The following DACH2 variants were observed in gnomAD, a reference collection of about 807,000 sequenced individuals.
The protein encoded by DACH2 is dachshund family transcription factor 2.
In DACH2, 17 loss-of-function variants were observed where a neutral mutation model predicts 35.8. That is an observed-to-expected ratio of 0.48 (90% CI 0.33 to 0.71). DACH2 has a LOEUF of 0.71. DACH2 is among the 30% of genes least tolerant of loss of function. DACH2 has a pLI of 0.02. For synonymous variants in DACH2, 195 were observed against 177.3 expected (o/e 1.10, Z -0.79); for missense variants, 469 against 472.7 (o/e 0.99, Z 0.07).
chrX:86,395,230 C>T (rs771578935), intron 2 of DACH2, among the ~76,000 whole-genome samples: 1 of 111,516 alleles, frequency 9.0e-6, no homozygotes, highest in East Asian at 2.8e-4. Flanking sequence ...GTATTTTCTT[C>T]TAAGCAATTT....
At chrX:86,536,816 C>G (rs2038808576) in intron 3 of DACH2, among the ~76,000 whole-genome samples, 1 of 112,039 alleles carries the variant, frequency 8.9e-6, no homozygotes, top group Non-Finnish European at 1.9e-5. Flanking sequence ...GTTCTCAGGA[C>G]CACCTGAGGC....
rs542719290 is a variant in DACH2 at position 86,335,358 on chromosome X, C to T, written c.489-41466C>T. Among the ~76,000 whole-genome samples, 15 of 111,978 alleles carry T rather than the reference C, an allele frequency of 1.3e-4. 1 individual carries two copies. In the South Asian group the frequency reaches 4.8e-3, roughly 36 times the overall value. On this transcript the variant is annotated intron_variant, in intron 1 of 11. Transcript: ENST00000373125. ...TTACTTCTAGCAGTATGGCCATTTT[C>T]ACAATACTGATTCTTCCTATCCATA...
intron 7 of DACH2, among the ~76,000 whole-genome samples, chrX:86,774,098 A>G (rs747829012): frequency 8.9e-6 from 1 of 112,119 alleles, no homozygotes; most frequent in Non-Finnish European, 1.9e-5. Flanking sequence ...AAATTTAAAA[A>G]AAACTAATGA....
intron 2 of DACH2, among the ~76,000 whole-genome samples, chrX:86,444,031 T>A (rs993210364): frequency 1.8e-5 from 2 of 111,709 alleles, no homozygotes; most frequent in African/African-American, 6.5e-5. Context: ...GGAAATACTC[T>A]CTCATCTTTA....
intron 7 of DACH2, chrX:86,798,477 C>T (rs2147332726): frequency 8.8e-6 from 1 of 113,177 alleles, no homozygotes; most frequent in South Asian, 3.7e-4. Context: ...TATATTTTAT[C>T]ACATAGTAAG....
At chrX:86,772,817 C>A (rs779040632) in intron 7 of DACH2, among the ~76,000 whole-genome samples, 3 of 111,365 alleles carry the variant, frequency 2.7e-5, no homozygotes, top group Non-Finnish European at 5.7e-5. Flanking sequence ...TCAAGGGAGT[C>A]ACATCATCAT....
At chrX:86,555,815 A>T (rs1173841887) in intron 3 of DACH2, among the ~76,000 whole-genome samples, 1 of 111,679 alleles carries the variant, frequency 9.0e-6, no homozygotes, top group Non-Finnish European at 1.9e-5. Flanking sequence ...ATGGTGGGTA[A>T]CGTGTCCATC....
intron 4 of DACH2, among the ~76,000 whole-genome samples, chrX:86,676,521 A>G (rs975396028): frequency 8.9e-6 from 1 of 111,867 alleles, no homozygotes; most frequent in African/African-American, 3.3e-5. Context: ...ACTTTCTGCG[A>G]TGATGGAAAT....
chrX:86,803,814 C>T (rs182064841), intron 7 of DACH2, among the ~76,000 whole-genome samples: 54 of 110,426 alleles, frequency 4.9e-4, no homozygotes, highest in Non-Finnish European at 3.0e-4. Flanking sequence ...CTTAATTTTA[C>T]AGAACAAAAT....
chrX:86,395,198 A>C (rs2036264903), intron 2 of DACH2, among the ~76,000 whole-genome samples: 1 of 111,337 alleles, frequency 9.0e-6, no homozygotes, highest in Admixed American at 9.6e-5. Flanking sequence ...ATTTGGATGA[A>C]ATAATTTTCT....
At chrX:86,294,654 C>A (rs925146652) in intron 1 of DACH2, among the ~76,000 whole-genome samples, 1 of 110,082 alleles carries the variant, frequency 9.1e-6, no homozygotes, top group African/African-American at 3.3e-5. Flanking sequence ...ACAGGGCCCT[C>A]ATCTGCAGGT....
intron 2 of DACH2, among the ~76,000 whole-genome samples, chrX:86,419,890 G>A (rs2036774584): frequency 8.9e-6 from 1 of 111,812 alleles, no homozygotes; most frequent in East Asian, 2.8e-4. Flanking sequence ...TGGCATCGGA[G>A]ATATCTTGGT....
chrX:86,181,349 C>T (rs915719608), intron 1 of DACH2, among the ~76,000 whole-genome samples: 1 of 110,634 alleles, frequency 9.0e-6, no homozygotes, highest in Non-Finnish European at 1.9e-5. Context: ...TCCCAACCCC[C>T]GACAGGCCCT....
chrX:86,342,604 C>T (rs897019836), intron 1 of DACH2, among the ~76,000 whole-genome samples: 3 of 109,432 alleles, frequency 2.7e-5, no homozygotes, highest in Non-Finnish European at 5.7e-5. Context: ...GTAAAGAATT[C>T]GAGACCAGCT....
chrX:86,275,931 C>A (rs1287078224), intron 1 of DACH2, among the ~76,000 whole-genome samples: 1 of 112,178 alleles, frequency 8.9e-6, no homozygotes, highest in Admixed American at 9.5e-5. Context: ...TGTATATGTA[C>A]CACATTTTCT....
intron 11 of DACH2, among the ~76,000 whole-genome samples, chrX:86,817,277 T>A (rs2042462898): frequency 9.0e-6 from 1 of 111,425 alleles, no homozygotes; most frequent in Non-Finnish European, 1.9e-5. Flanking sequence ...TTCCCTCAGC[T>A]TAAAGGCTGT....
At chrX:86,386,525 G>C (rs1340887662) in intron 2 of DACH2, among the ~76,000 whole-genome samples, 1 of 110,373 alleles carries the variant, frequency 9.1e-6, no homozygotes, top group Non-Finnish European at 1.9e-5. Context: ...TTCTAAATGA[G>C]AGATTTGCCT....
At chrX:86,541,828 C>T (rs2038887465) in intron 3 of DACH2, among the ~76,000 whole-genome samples, 1 of 111,322 alleles carries the variant, frequency 9.0e-6, no homozygotes, top group South Asian at 3.8e-4. Flanking sequence ...TGTGTGTGTG[C>T]ATGAGGAGGA....
At chrX:86,555,770 TA>T (rs774463662) in intron 3 of DACH2, among the ~76,000 whole-genome samples, 1 of 111,484 alleles carries the variant, frequency 9.0e-6, no homozygotes, top group East Asian at 2.8e-4. Context: ...TGTATGCATT[TA>T]AAAAAATGTA....
Sources: allele counts gnomAD v4.1 joint callset (sites outside exome capture counted in the v4.1 genomes callset), GRCh38; gene constraint gnomAD v4.1.1; transcripts MANE v1.5; gene names NCBI Gene and HGNC (gene_info 2026-07-23, HGNC 2026-07-21).